Variants in RNF31 observed in about 807,000 individuals in gnomAD.
RNF31 encodes E3 ubiquitin-protein ligase RNF31.
A neutral mutation model predicts 133.6 loss-of-function variants in RNF31; 38 were observed. That is an observed-to-expected ratio of 0.28 (90% CI 0.22 to 0.37). The LOEUF is 0.37. RNF31 is among the 10% of genes least tolerant of loss of function. The probability of loss-of-function intolerance (pLI) is 1.00; values close to 1 mark genes in which losing one functional copy is unlikely to be tolerated. For missense variants in RNF31, 1,118 were observed against 1,394.1 expected, an observed-to-expected ratio of 0.80 and a Z score of 3.15; for synonymous variants, 582 against 552.3, an observed-to-expected ratio of 1.05 and a Z score of -0.75.
In RNF31 at chr14:24,151,012, A is replaced by G; in HGVS notation, c.1489-119A>G. 4.0e-6 allele frequency: 6 copies of G among 1,512,120 alleles called. No individual in the cohort carries two copies. Among genetic ancestry groups the G allele is most frequent in the Non-Finnish European group, 5.3e-6 (6 of 1,122,460 alleles). 93.7% of individuals were successfully genotyped at this position (1,512,120 alleles called of 1,614,324 possible). On this transcript the variant is annotated intron_variant, in intron 8 of 20. Transcript: ENST00000324103. This position sits in a 1 kb window ranked among gnomAD's most constrained non-coding sequence, Gnocchi z 5.3. ...GCAGCTGCCTGTTACTGAGGCAGTTACCATTGCTGTACACTGATGACATGA... is the reference window on the plus strand; with the variant it reads ...GCAGCTGCCTGTTACTGAGGCAGTTGCCATTGCTGTACACTGATGACATGA...
In RNF31 at chr14:24,150,883, A is replaced by G. The variant is rs1394858527; in HGVS notation, c.1483A>G (p.Ile495Val). ...AGAAGGCCTCCAGCTAGTGAGCATG[A>G]TCCGGGTAAGGACTGGGCCTGCGAT... ...REEGLQLVSM[I>V]REGEAAGACP... is the part of the protein sequence containing the mutation. The change falls in exon 8 of 21, where the codon ATC becomes GTC. Residue 495 changes from isoleucine (I) to valine (V), a missense_variant. Physicochemically the swap from Ile to Val is conservative, Grantham distance 29. Around this residue, in one of 3 missense-constraint regions of RNF31, gnomAD observed 747 missense variants for 827.9 expected, o/e 0.90. Transcript: ENST00000324103. The G allele has an allele frequency of 1.9e-6, 3 of 1,554,842 alleles. No individual in the cohort carries two copies. In the African/African-American group the frequency reaches 4.1e-5, roughly 21 times the overall value.
At chr14:24,148,203 C>T in intron 2 of RNF31, 55 bp from the exon 3 acceptor site, 2 of 1,613,498 alleles carry the variant, frequency 1.2e-6, no homozygotes, top group Non-Finnish European at 1.7e-6. Flanking sequence ...GGAAGGGGTC[C>T]AGCCCTACTA....
rs916906229 is a variant in RNF31, at chr14:24,157,992, G to A, written c.2822G>A (p.Arg941Gln). Residue 941 changes from arginine to glutamine, a missense_variant, in exon 17 of 21, where the codon CGG becomes CAG. Physicochemically the swap from Arg to Gln is conservative, Grantham distance 43 (BLOSUM62 1). Coordinates refer to ENST00000324103, the MANE Select transcript of RNF31 (RefSeq NM_017999.5). ...LFYLRDWTAL[R>Q]LQKLLQDNNV... is the part of the protein sequence containing the mutation. ...TACCTGCGGGACTGGACTGCTCTCCGGCTTCAGAAGCTGCTACAGGTCAGA... is the reference window on the plus strand; with the variant it reads ...TACCTGCGGGACTGGACTGCTCTCCAGCTTCAGAAGCTGCTACAGGTCAGA... 19 of 1,613,954 alleles carry A rather than the reference G, an allele frequency of 1.2e-5. No homozygotes were observed. The highest frequency in any genetic ancestry group is 1.0e-4 in the Admixed American group (6 of 60,006).
chr14:24,159,096 G>A (rs1479953501), intron 18 of RNF31, among the ~76,000 whole-genome samples: 1 of 147,564 alleles, frequency 6.8e-6, no homozygotes, highest in African/African-American at 2.5e-5. Flanking sequence ...TGTAATCTCA[G>A]CACTTTGGGA....
Position 24,149,554 on chromosome 14 carries a change from G to T in RNF31, c.780G>T (p.Gly260=), listed in dbSNP as rs756181493. Residue 260 remains glycine, a synonymous_variant, in exon 6 of 21, where the codon GGG becomes GGT. Transcript: ENST00000324103. ...ATCACCTCCGCCAGACCCTGCCTGG[G>T]GTCCTGCAGGGTACCCACCTGAGCC... ...RAHHLRQTLP[G]VLQGTHLSPS... is the part of the protein sequence containing the mutation. 1.9e-6 allele frequency: 3 copies of T among 1,613,994 alleles called. No individual in the cohort carries two copies. The Admixed American group carries it at 5.0e-5, about 27-fold the overall frequency.
intron 11 of RNF31, among the ~76,000 whole-genome samples, chr14:24,153,470 G>A (rs36113166): frequency 0.31 from 47,750 of 151,664 alleles, 7,834 homozygotes; most frequent in Admixed American, 0.45. Flanking sequence ...CCAGCTACTC[G>A]AGAGGCTAAG....
intron 11 of RNF31, among the ~76,000 whole-genome samples, chr14:24,153,066 G>T (rs1256368827): frequency 6.7e-6 from 1 of 149,830 alleles, no homozygotes; most frequent in East Asian, 2.0e-4. Flanking sequence ...GGGCAACAGC[G>T]CAAGACTCCG....
chr14:24,157,839 T>C, intron 16 of RNF31, 59 bp from the exon 17 acceptor site: 8 of 1,455,824 alleles, frequency 5.5e-6, no homozygotes, highest in Admixed American at 1.7e-5. Context: ...CAGGGGTTCC[T>C]GAGAGGCCAG....
Position 24,151,942 on chromosome 14 carries a change from T to A in RNF31, c.2080T>A (p.Leu694Met). 1 of 1,614,156 alleles carries A rather than the reference T, an allele frequency of 6.2e-7. No individual in the cohort carries two copies. The highest frequency in any genetic ancestry group is 8.5e-7 in the Non-Finnish European group (1 of 1,180,018). ...CCAGGACCGGGCCTTCCTGCGCCGC[T>A]TGCTTGCCCAGGAGTGTGCCGTGTG... ...HSQDRAFLRR[L>M]LAQECAVCGW... is the part of the protein sequence containing the mutation. Residue 694 changes from leucine (L) to methionine (M), a missense_variant, in exon 11 of 21, where the codon TTG becomes ATG. By Grantham distance (15) the Leu-to-Met change is conservative. Coordinates refer to ENST00000324103, the MANE Select transcript of RNF31 (RefSeq NM_017999.5). The surrounding 1 kb of genome is among the most constrained non-coding windows in gnomAD (Gnocchi z 5.3).
Position 24,155,939 on chromosome 14 carries a change from T to C in RNF31, c.2493+247T>C, listed in dbSNP as rs952903853. ...GAAAGTAAGCCAGAGGAACTAATTA[T>C]ACATAGGCATAAATTCTATGAAGAA... On this transcript the variant is annotated intron_variant, in intron 14 of 20. Coordinates refer to ENST00000324103, the MANE Select transcript of RNF31 (RefSeq NM_017999.5). The surrounding 1 kb of genome is among the most constrained non-coding windows in gnomAD (Gnocchi z 4.9). Among the ~76,000 whole-genome samples, 1 of 152,168 alleles carries C rather than the reference T, an allele frequency of 6.6e-6. No individual in the cohort carries two copies. Among genetic ancestry groups the C allele is most frequent in the Non-Finnish European group, 1.5e-5 (1 of 68,032 alleles).
rs2038190492 is a variant in RNF31, at chr14:24,147,721, G to C, written c.23G>C (p.Arg8Pro). 1.3e-6 allele frequency: 2 copies of C among 1,540,328 alleles called. No homozygotes were observed. The highest frequency in any genetic ancestry group is 1.7e-6 in the Non-Finnish European group (2 of 1,148,916). Residue 8 changes from arginine (R) to proline (P), a missense_variant, in exon 1 of 21, where the codon CGG becomes CCG. Physicochemically the swap from Arg to Pro is moderately radical, Grantham distance 103. Coordinates refer to ENST00000324103, the MANE Select transcript of RNF31 (RefSeq NM_017999.5). ...AGGATGCCGGGGGAGGAAGAGGAGCGGGCCTTCCTGGTGGCCCGCGAGGAG... is the reference window on the plus strand; with the variant it reads ...AGGATGCCGGGGGAGGAAGAGGAGCCGGCCTTCCTGGTGGCCCGCGAGGAG... MPGEEEE[R>P]AFLVAREELA...
At chr14:24,158,464 ATAAT>A (rs929858636) in intron 18 of RNF31, 28 of 521,436 alleles carry the variant, frequency 5.4e-5, no homozygotes, top group African/African-American at 2.1e-4. Context: ...CCAAATGATC[ATAAT>A]TAATTAATTA....
chr14:24,148,264 C>G lies in RNF31; in HGVS notation c.346C>G (p.Arg116Gly). The change falls in exon 3 of 21, where the codon CGA becomes GGA. Residue 116 changes from arginine to glycine, a missense_variant. Coordinates refer to ENST00000324103, the MANE Select transcript of RNF31 (RefSeq NM_017999.5). ...TCGTTTGAATGTGTGGCAGGGGGGC[C>G]GAGATGTGCTGCGATTATATGGCTA... is the stretch of plus-strand genomic sequence containing the variant. Reference protein sequence around the residue: ...RSTVDAVQGGRDVLRLYGYTE... With the variant: ...RSTVDAVQGGGDVLRLYGYTE... 6.2e-7 allele frequency: 1 copy of G among 1,614,032 alleles called. No homozygotes were observed. The highest frequency in any genetic ancestry group is 8.5e-7 in the Non-Finnish European group (1 of 1,180,008).
chr14:24,155,554 G>A lies in RNF31; in HGVS notation c.2403+42G>A. On this transcript the variant is annotated intron_variant, in intron 13 of 20. Coordinates refer to ENST00000324103, the MANE Select transcript of RNF31 (RefSeq NM_017999.5). The surrounding 1 kb of genome is among the most constrained non-coding windows in gnomAD (Gnocchi z 4.9). Reference sequence around the variant, plus strand: ...GGGCAGCTACTGTGGAGGGGCAGGGGATGGTTCCAGGTCAGGCCTTTGATA... The same window carrying A: ...GGGCAGCTACTGTGGAGGGGCAGGGAATGGTTCCAGGTCAGGCCTTTGATA... The A allele has an allele frequency of 6.2e-7, 1 of 1,613,298 alleles. No homozygotes were observed. Among genetic ancestry groups the A allele is most frequent in the Non-Finnish European group, 8.5e-7 (1 of 1,179,170 alleles).
chr14:24,158,212 A>T lies in RNF31; in HGVS notation c.2899+13A>T, dbSNP rs748742240. 1 of 1,613,552 alleles carries T rather than the reference A, an allele frequency of 6.2e-7. No homozygotes were observed. Among genetic ancestry groups the T allele is most frequent in the East Asian group, 2.2e-5 (1 of 44,886 alleles). ...GCAGTCCCTGGAGGTGAGTGTTAGG[A>T]CAAGCCTTTGAGAAGAGGAGATGGT... is the stretch of plus-strand genomic sequence containing the variant. On this transcript the variant is annotated intron_variant, in intron 18 of 20. Transcript: ENST00000324103.
chr14:24,150,752 C>T lies in RNF31; in HGVS notation c.1352C>T (p.Ser451Phe), dbSNP rs1212871633. 5.0e-6 allele frequency: 8 copies of T among 1,612,708 alleles called. No individual in the cohort carries two copies. In the African/African-American group the frequency reaches 5.4e-5, roughly 11 times the overall value. ...AQHAPRPYAS[S>F]LEKGPPKPGP... Reference sequence around the variant, plus strand: ...CATGCCCCCCGGCCCTATGCCAGCTCTTTGGAAAAGGGACCCCCCAAGCCT... The same window carrying T: ...CATGCCCCCCGGCCCTATGCCAGCTTTTTGGAAAAGGGACCCCCCAAGCCT... Residue 451 changes from serine (S) to phenylalanine (F), a missense_variant, in exon 8 of 21, where the codon TCT (serine) becomes TTT (phenylalanine). Ser to Phe is a radical substitution (Grantham distance 155). Coordinates refer to ENST00000324103, the MANE Select transcript of RNF31 (RefSeq NM_017999.5).
chr14:24,158,145 A>G lies in RNF31; in HGVS notation c.2845A>G (p.Asn949Asp), dbSNP rs2038374838. The G allele has an allele frequency of 3.7e-6, 6 of 1,614,244 alleles. No homozygotes were observed. In the East Asian group the frequency reaches 1.3e-4, roughly 36 times the overall value. The change falls in exon 18 of 21, where the codon AAT (asparagine) becomes GAT (aspartate). Residue 949 changes from asparagine to aspartate, a missense_variant. Asn to Asp is a conservative substitution (Grantham distance 23). Transcript: ENST00000324103. The part of the protein sequence containing the change: ...ALRLQKLLQD[N>D]NVMFNTEPPA... ...CCCATCTGTCTCTCCTCCTCAGGAC[A>G]ATAACGTCATGTTTAATACAGAGCC...
At chr14:24,159,766 C>T in intron 18 of RNF31, 98 bp from the exon 19 acceptor site, 1 of 947,294 alleles carries the variant, frequency 1.1e-6, no homozygotes, top group East Asian at 2.4e-5. Flanking sequence ...TCGGTCCCTT[C>T]CTTGGAGGCT....
rs1011675488 is a variant in RNF31 at position 24,147,624 on chromosome 14, G to C, written c.-75G>C. 59 of 1,309,710 alleles carry C rather than the reference G, an allele frequency of 4.5e-5. No homozygotes were observed. The highest frequency in any genetic ancestry group is 5.6e-5 in the Non-Finnish European group (57 of 1,019,410). The allele number at this position is 1,309,710 out of a possible 1,614,324, so 81.1% of individuals were successfully genotyped here. ...TCAAAGCCGGGCACCAGACGGGAGG[G>C]GCGGCGCTCGGGCCGCGCGCTGCCC... On this transcript the variant is annotated 5_prime_UTR_variant, in exon 1 of 21. Coordinates refer to ENST00000324103, the MANE Select transcript of RNF31 (RefSeq NM_017999.5).
Sources: allele counts gnomAD v4.1 joint callset (sites outside exome capture counted in the v4.1 genomes callset), GRCh38; gene constraint gnomAD v4.1.1; regional missense constraint gnomAD v4.1.1; non-coding constraint Gnocchi (gnomAD v3.1); transcripts MANE v1.5; gene names NCBI Gene and HGNC (gene_info 2026-07-23, HGNC 2026-07-21).